RAB38: variants seen among roughly 807,000 people sequenced by gnomAD.
RAB38 encodes RAB38, member RAS oncogene family, also known as ras-related protein Rab-38.
In RAB38, 15 loss-of-function variants were observed where a neutral mutation model predicts 18.4. The ratio of observed to expected loss-of-function variants is 0.82; its 90% confidence interval spans 0.55 to 1.26. RAB38 has a LOEUF of 1.26. RAB38 is among the 50% of genes most tolerant of loss of function. The probability of loss-of-function intolerance (pLI) is 0.00; values close to 1 mark genes in which losing one functional copy is unlikely to be tolerated. For missense variants in RAB38, 294 were observed against 267.4 expected (o/e 1.10, Z -0.69); for synonymous variants, 101 against 104.4 (o/e 0.97, Z 0.20).
the RAB38 span, among the ~76,000 whole-genome samples, chr11:88,101,753 T>C: frequency 6.6e-6 from 1 of 151,820 alleles, no homozygotes; most frequent in Non-Finnish European, 1.5e-5. Context: ...AATAATATTA[T>C]CAACAGCTGG....
the RAB38 span, among the ~76,000 whole-genome samples, chr11:87,838,569 A>G: frequency 1.1e-4 from 16 of 152,324 alleles, no homozygotes; most frequent in African/African-American, 3.8e-4. Context: ...TATACCTAAC[A>G]GTAATTGAGC....
chr11:88,024,017 C>A, the RAB38 span, among the ~76,000 whole-genome samples: 2 of 152,080 alleles, frequency 1.3e-5, no homozygotes, highest in Non-Finnish European at 2.9e-5. Flanking sequence ...CCCACAAGCA[C>A]AGGCTACTAA....
the RAB38 span, among the ~76,000 whole-genome samples, chr11:88,013,834 T>A: frequency 6.6e-6 from 1 of 152,162 alleles, no homozygotes; most frequent in Non-Finnish European, 1.5e-5. Context: ...ATATAATTGA[T>A]TGAAAGCAGA....
chr11:88,026,373 C>T, the RAB38 span, among the ~76,000 whole-genome samples: 1 of 151,186 alleles, frequency 6.6e-6, no homozygotes, highest in Non-Finnish European at 1.5e-5. Flanking sequence ...ACCATCCTGG[C>T]TAACACAGTG....
chr11:88,040,420 A>T, the RAB38 span, among the ~76,000 whole-genome samples: 2,807 of 152,174 alleles, frequency 0.018, 101 homozygotes, highest in East Asian at 0.15. Context: ...CCCCCTTTAA[A>T]CAGCTTATTT....
chr11:87,910,084 T>C, the RAB38 span, among the ~76,000 whole-genome samples: 1 of 152,126 alleles, frequency 6.6e-6, no homozygotes, highest in African/African-American at 2.4e-5. Flanking sequence ...TGGTTATTTC[T>C]GTTGAATTTT....
At chr11:88,039,657 G>GGAAGGAGAGC in the RAB38 span, among the ~76,000 whole-genome samples, 1 of 152,150 alleles carries the variant, frequency 6.6e-6, no homozygotes, top group African/African-American at 2.4e-5. Flanking sequence ...TACCAAGAGG[G>GGAAGGAGAGC]GAAGGAGAGC....
At chr11:87,944,872 G>T in the RAB38 span, among the ~76,000 whole-genome samples, 3 of 152,004 alleles carry the variant, frequency 2.0e-5, no homozygotes, top group African/African-American at 7.2e-5. Flanking sequence ...TTGAAGGAAG[G>T]GCATTGGAGC....
the RAB38 span, among the ~76,000 whole-genome samples, chr11:88,031,784 C>T: frequency 6.6e-6 from 1 of 152,044 alleles, no homozygotes; most frequent in African/African-American, 2.4e-5. Flanking sequence ...GAATCAATAT[C>T]GTGAAAATGG....
intron 1 of RAB38, among the ~76,000 whole-genome samples, chr11:88,151,052 G>A (rs1943058142): frequency 6.6e-6 from 1 of 152,014 alleles, no homozygotes; most frequent in Non-Finnish European, 1.5e-5. Flanking sequence ...TGTTGTTTAG[G>A]ATAAGGATTG....
chr11:87,956,934 A>ACAGGACTGTCCATTCCTCAT, the RAB38 span, among the ~76,000 whole-genome samples: 1 of 151,590 alleles, frequency 6.6e-6, no homozygotes, highest in Non-Finnish European at 1.5e-5. Flanking sequence ...TGACATTTCT[A>ACAGGACTGTCCATTCCTCAT]CAGGACTGTC....
At chr11:88,075,877 T>A in the RAB38 span, among the ~76,000 whole-genome samples, 1 of 141,482 alleles carries the variant, frequency 7.1e-6, no homozygotes, top group Admixed American at 7.1e-5. Flanking sequence ...CAAGATTTTG[T>A]CTCAAAAAAA....
the RAB38 span, among the ~76,000 whole-genome samples, chr11:87,922,777 A>G: frequency 1.3e-5 from 2 of 151,892 alleles, no homozygotes; most frequent in African/African-American, 4.8e-5. Flanking sequence ...AAGGAATAAA[A>G]TAAATAAGAA....
At chr11:88,063,904 C>T in the RAB38 span, among the ~76,000 whole-genome samples, 1 of 152,206 alleles carries the variant, frequency 6.6e-6, no homozygotes, top group Admixed American at 6.5e-5. Context: ...TCTTTATCAG[C>T]AGCATGAGAA....
chr11:88,058,472 G>A, the RAB38 span, among the ~76,000 whole-genome samples: 17 of 152,284 alleles, frequency 1.1e-4, no homozygotes, highest in East Asian at 5.8e-4. Flanking sequence ...TGTGGCCTGC[G>A]TGGAGGTTTT....
chr11:88,117,349 TC>T (rs984019651), intron 2 of RAB38, among the ~76,000 whole-genome samples: 11 of 152,198 alleles, frequency 7.2e-5, no homozygotes, highest in Admixed American at 3.9e-4. Context: ...GGGTGCCAGA[TC>T]TCTGTAGAGC....
At chr11:87,889,758 C>T in the RAB38 span, among the ~76,000 whole-genome samples, 11 of 151,210 alleles carry the variant, frequency 7.3e-5, no homozygotes, top group Non-Finnish European at 1.5e-4. Flanking sequence ...TTACATCACA[C>T]TTTCCTTATA....
At chr11:87,911,321 T>C in the RAB38 span, among the ~76,000 whole-genome samples, 1 of 152,102 alleles carries the variant, frequency 6.6e-6, no homozygotes, top group African/African-American at 2.4e-5. Context: ...AAAAAGCCTA[T>C]GGAGATTTTG....
At chr11:87,954,987 G>A in the RAB38 span, among the ~76,000 whole-genome samples, 1 of 151,592 alleles carries the variant, frequency 6.6e-6, no homozygotes, top group Admixed American at 6.6e-5. Flanking sequence ...CTAAGTAGCG[G>A]GTTGGAGTAA....
Sources: gnomAD v4.1 joint callset for allele counts (sites outside exome capture counted in the v4.1 genomes callset) on GRCh38, gnomAD v4.1.1 for gene constraint, MANE v1.5 for transcripts, NCBI Gene and HGNC (gene_info 2026-07-23, HGNC 2026-07-21) for gene names.